TENM2: variants seen among roughly 807,000 people sequenced by gnomAD.
TENM2 encodes teneurin transmembrane protein 2, also known as teneurin-2.
In TENM2, 52 loss-of-function variants were observed where a neutral mutation model predicts 245.2. The observed-to-expected ratio is 0.21, with a 90% CI of 0.17 to 0.27. The LOEUF (loss-of-function observed/expected upper bound fraction) is 0.27, where lower values mean the gene tolerates loss of function less well. TENM2 is among the 10% of genes least tolerant of loss of function. The pLI, the probability that TENM2 is intolerant of heterozygous loss-of-function variation, is 1.00. For synonymous variants in TENM2, 1,363 were observed against 1,438.9 expected (o/e 0.95, Z 1.19); for missense variants, 3,046 against 3,666.8 (o/e 0.83, Z 4.37).
intron 3 of TENM2, among the ~76,000 whole-genome samples, chr5:167,884,418 C>T (rs1774122133): frequency 6.6e-6 from 1 of 152,198 alleles, no homozygotes; most frequent in Admixed American, 6.5e-5. Flanking sequence ...CGCTTTCCCT[C>T]AGCCCCTGGC....
intron 8 of TENM2, among the ~76,000 whole-genome samples, chr5:168,097,023 C>T (rs912363627): frequency 1.3e-5 from 2 of 152,106 alleles, no homozygotes; most frequent in African/African-American, 2.4e-5. Context: ...CAAATGTGAA[C>T]TAATTCATTT....
the TENM2 span, among the ~76,000 whole-genome samples, chr5:166,979,799 G>A: frequency 1.2e-4 from 18 of 151,912 alleles, no homozygotes; most frequent in Non-Finnish European, 2.4e-4. Flanking sequence ...GGAGGGGAAA[G>A]ATTGCTAGAG....
At chr5:167,947,156 C>G (rs889960517) in intron 3 of TENM2, among the ~76,000 whole-genome samples, 3 of 152,122 alleles carry the variant, frequency 2.0e-5, no homozygotes, top group Non-Finnish European at 1.5e-5. Context: ...CCTCCAAGAA[C>G]TGCCATTTCA....
intron 9 of TENM2, among the ~76,000 whole-genome samples, chr5:168,116,229 G>A (rs140788725): frequency 2.5e-4 from 38 of 152,114 alleles, no homozygotes; most frequent in Admixed American, 9.2e-4. Context: ...TAGACAGTTC[G>A]TCTAAATTCA....
chr5:167,372,685 T>C (rs1308139653), intron 1 of TENM2, among the ~76,000 whole-genome samples: 1 of 152,226 alleles, frequency 6.6e-6, no homozygotes, highest in African/African-American at 2.4e-5. Flanking sequence ...TCATTTATTG[T>C]GGGAAAATGA....
chr5:167,240,389 C>T, the TENM2 span, among the ~76,000 whole-genome samples: 1 of 151,960 alleles, frequency 6.6e-6, no homozygotes, highest in Non-Finnish European at 1.5e-5. Flanking sequence ...TGATATAACT[C>T]CTTCAGCAAG....
intron 2 of TENM2, among the ~76,000 whole-genome samples, chr5:167,767,596 A>G (rs1220415937): frequency 6.6e-6 from 1 of 152,236 alleles, no homozygotes; most frequent in African/African-American, 2.4e-5. Context: ...ACTATATTTT[A>G]TGCTAGATAG....
rs145458594 is a variant in TENM2 at position 167,582,678 on chromosome 5, C to T, written c.502+207205C>T. 1.9e-3 allele frequency among the ~76,000 whole-genome samples: 293 copies of T among 152,130 alleles called. 5 individuals are homozygous for T. In the East Asian group the frequency reaches 0.027, roughly 14 times the overall value. On this transcript the variant is annotated intron_variant, in intron 2 of 28. Transcript: ENST00000518659. ...CAGATAAATGAACATTTACATGGCA[C>T]GAACCTTTACAGAAACCAAGCTGTA... is the stretch of plus-strand genomic sequence containing the variant.
chr5:167,929,149 G>C (rs1307814092), intron 3 of TENM2, among the ~76,000 whole-genome samples: 1 of 143,732 alleles, frequency 7.0e-6, no homozygotes, highest in African/African-American at 2.6e-5. Flanking sequence ...AAGGGAGGGA[G>C]GGAGGGAAGG....
the TENM2 span, among the ~76,000 whole-genome samples, chr5:167,072,162 C>A: frequency 6.6e-6 from 1 of 152,286 alleles, no homozygotes; most frequent in Admixed American, 6.5e-5. Flanking sequence ...ACAGGCCAGA[C>A]AAGGCGGGGC....
intron 9 of TENM2, among the ~76,000 whole-genome samples, chr5:168,101,390 C>T (rs1793802419): frequency 6.6e-6 from 1 of 152,200 alleles, no homozygotes. Context: ...ACTGCACATC[C>T]AGTGACTGGC....
At chr5:167,797,224 C>T (rs569893024) in intron 2 of TENM2, among the ~76,000 whole-genome samples, 5 of 152,148 alleles carry the variant, frequency 3.3e-5, no homozygotes, top group Admixed American at 1.3e-4. Context: ...AGATCCATCC[C>T]AAGGCCCTTC....
intron 12 of TENM2, among the ~76,000 whole-genome samples, chr5:168,147,169 A>T (rs185627975): frequency 3.9e-5 from 6 of 152,228 alleles, no homozygotes; most frequent in Non-Finnish European, 8.8e-5. Flanking sequence ...TAATTATTCA[A>T]AACAATTCAG....
chr5:167,574,536 C>G (rs1280897614), intron 2 of TENM2, among the ~76,000 whole-genome samples: 4 of 152,086 alleles, frequency 2.6e-5, no homozygotes, highest in Non-Finnish European at 4.4e-5. Flanking sequence ...TGAAGCGCTT[C>G]TTATATCTCC....
intron 2 of TENM2, among the ~76,000 whole-genome samples, chr5:167,751,192 A>G (rs1007135736): frequency 3.9e-5 from 6 of 152,160 alleles, no homozygotes; most frequent in Non-Finnish European, 8.8e-5. Context: ...TTCATGGATC[A>G]CCTTAAAGAG....
the TENM2 span, among the ~76,000 whole-genome samples, chr5:167,162,590 T>A: frequency 2.0e-5 from 3 of 149,966 alleles, no homozygotes; most frequent in Non-Finnish European, 3.0e-5. Flanking sequence ...ATGGCGCCAC[T>A]GCACTGCAGC....
chr5:167,174,268 G>GATT, the TENM2 span, among the ~76,000 whole-genome samples: 133 of 152,254 alleles, frequency 8.7e-4, no homozygotes, highest in African/African-American at 2.7e-3. Flanking sequence ...CAGTGATTAA[G>GATT]ATTAATGTAC....
chr5:167,562,289 A>T (rs992152529), intron 2 of TENM2, among the ~76,000 whole-genome samples: 2 of 151,958 alleles, frequency 1.3e-5, no homozygotes, highest in Non-Finnish European at 2.9e-5. Flanking sequence ...CACACAAGAG[A>T]ATCTAGTTGG....
intron 4 of TENM2, among the ~76,000 whole-genome samples, chr5:167,973,149 C>A (rs116452202): frequency 2.0e-5 from 3 of 152,116 alleles, no homozygotes; most frequent in Admixed American, 1.3e-4. Flanking sequence ...CCTAGTAAGG[C>A]GGTATGATTG....
Sources: allele counts gnomAD v4.1 joint callset (sites outside exome capture counted in the v4.1 genomes callset), GRCh38; gene constraint gnomAD v4.1.1; transcripts MANE v1.5; gene names NCBI Gene and HGNC (gene_info 2026-07-23, HGNC 2026-07-21).